Variants in TOM1L2 observed in about 807,000 individuals in gnomAD.
TOM1L2 encodes TOM1-like protein 2.
A neutral mutation model predicts 67.9 loss-of-function variants in TOM1L2; 31 were observed. The ratio of observed to expected loss-of-function variants is 0.46; its 90% CI spans 0.34 to 0.62. The LOEUF is 0.62. Among genes scored for constraint, TOM1L2 ranks in the 20% least tolerant of loss-of-function variants. TOM1L2 has a pLI of 0.01. For missense variants in TOM1L2, 606 were observed against 663.5 expected, an observed-to-expected ratio of 0.91 and a Z score of 0.95; for synonymous variants, 256 against 254.0, an observed-to-expected ratio of 1.01 and a Z score of -0.07.
Position 17,971,918 on chromosome 17 carries a change from G to A in TOM1L2, c.52+344C>T, listed in dbSNP as rs1010893075. ...GAGGACACAGATGCCCTGCCTGCCC[G>A]TGGGATAGCACCGGCACCCGGCGAA... On this transcript the variant is annotated intron_variant, in intron 1 of 14. Coordinates refer to ENST00000379504, the MANE Select transcript of TOM1L2 (RefSeq NM_001082968.2). Among the ~76,000 whole-genome samples, 134 of 151,616 alleles carry A rather than the reference G, an allele frequency of 8.8e-4. 2 individuals carry two copies. Among genetic ancestry groups the A allele is most frequent in the Non-Finnish European group, 1.7e-3 (113 of 67,854 alleles).
At chr17:17,922,092 AAAG>A (rs1483544053) in intron 1 of TOM1L2, among the ~76,000 whole-genome samples, 2 of 152,152 alleles carry the variant, frequency 1.3e-5, no homozygotes, top group African/African-American at 4.8e-5. Context: ...ACTGGGATGG[AAAG>A]AAGTAAGATG....
chr17:17,957,375 ACT>A (rs1329304519), intron 1 of TOM1L2, among the ~76,000 whole-genome samples: 1 of 152,064 alleles, frequency 6.6e-6, no homozygotes, highest in Non-Finnish European at 1.5e-5. Context: ...ATACTGTATG[ACT>A]CCACTCATGA....
chr17:17,945,452 TG>T (rs2040905208), intron 1 of TOM1L2, among the ~76,000 whole-genome samples: 2 of 152,116 alleles, frequency 1.3e-5, no homozygotes, highest in Admixed American at 1.3e-4. Flanking sequence ...AAAACAAACA[TG>T]GATTTCAATG....
chr17:17,859,556 T>C (rs2143672183), intron 12 of TOM1L2: 1 of 152,372 alleles, frequency 6.6e-6, no homozygotes, highest in Admixed American at 6.5e-5. Flanking sequence ...GCTGTGGCCA[T>C]GGCATTGCCC....
At chr17:17,869,681 A>G in intron 7 of TOM1L2, 1 of 1,376,888 alleles carries the variant, frequency 7.3e-7, no homozygotes, top group Non-Finnish European at 9.4e-7. Context: ...CTTTTTCAGC[A>G]GACAAATGTC....
intron 2 of TOM1L2, among the ~76,000 whole-genome samples, chr17:17,900,031 G>T (rs1466121753): frequency 6.6e-6 from 1 of 152,156 alleles, no homozygotes; most frequent in Non-Finnish European, 1.5e-5. Flanking sequence ...GGCCAACATG[G>T]TGAAACCCCG....
At chr17:17,965,584 G>A (rs375618380) in intron 1 of TOM1L2, among the ~76,000 whole-genome samples, 5 of 152,132 alleles carry the variant, frequency 3.3e-5, no homozygotes, top group East Asian at 1.9e-4. Flanking sequence ...GCAGCACAGC[G>A]TGACAGGATA....
chr17:17,878,556 G>A (rs907521894), intron 7 of TOM1L2, among the ~76,000 whole-genome samples: 2 of 152,224 alleles, frequency 1.3e-5, no homozygotes, highest in African/African-American at 4.8e-5. Context: ...AGCAACTTGG[G>A]ACCAGGACAG....
In TOM1L2 at chr17:17,877,485, A is replaced by G. The variant is rs186476744; in HGVS notation, c.777+2142T>C. 1.9e-3 allele frequency among the ~76,000 whole-genome samples: 283 copies of G among 152,224 alleles called. 4 individuals carry two copies. The highest frequency in any genetic ancestry group is 3.4e-3 in the Middle Eastern group (1 of 294). The stretch of plus-strand genomic sequence containing the variant: ...CAGCACTTTCTAAGCAGACAGTGGT[A>G]TTTCTCCACATGGAAGGTTGGCTGT... On this transcript the variant is annotated intron_variant, in intron 7 of 14. Transcript: ENST00000379504.
intron 4 of TOM1L2, among the ~76,000 whole-genome samples, chr17:17,885,034 G>A (rs921844241): frequency 1.4e-4 from 21 of 152,236 alleles, no homozygotes; most frequent in African/African-American, 4.8e-4. Context: ...AAGAGACAGA[G>A]AAATAACACC....
chr17:17,869,184 C>A, intron 8 of TOM1L2, 156 bp downstream of exon 8: 1 of 1,402,090 alleles, frequency 7.1e-7, no homozygotes, highest in Non-Finnish European at 9.5e-7. Context: ...AGCATTTTTC[C>A]TGTCAGCCGG....
intron 4 of TOM1L2, among the ~76,000 whole-genome samples, chr17:17,890,205 G>T (rs1194217880): frequency 6.6e-6 from 1 of 152,178 alleles, no homozygotes; most frequent in East Asian, 1.9e-4. Flanking sequence ...CTCTAATGAA[G>T]AAGATTGAAA....
At chr17:17,894,934 A>AACAT (rs200969782) in intron 3 of TOM1L2, among the ~76,000 whole-genome samples, 10,341 of 143,676 alleles carry the variant, frequency 0.072, 551 homozygotes, top group African/African-American at 0.14. Context: ...CTGTCTCAAA[A>AACAT]ACATACATAC....
intron 1 of TOM1L2, among the ~76,000 whole-genome samples, chr17:17,911,278 T>C (rs1040968302): frequency 1.3e-5 from 2 of 152,252 alleles, no homozygotes; most frequent in East Asian, 1.9e-4. Context: ...GAGCCGTATC[T>C]GATTACCCGA....
At chr17:17,887,225 C>G (rs2038044625) in intron 4 of TOM1L2, among the ~76,000 whole-genome samples, 1 of 152,228 alleles carries the variant, frequency 6.6e-6, no homozygotes, top group South Asian at 2.1e-4. Context: ...TCCTACCTGC[C>G]ACAATTCCAA....
At chr17:17,913,672 A>C (rs1187372914) in intron 1 of TOM1L2, among the ~76,000 whole-genome samples, 1 of 152,198 alleles carries the variant, frequency 6.6e-6, no homozygotes, top group African/African-American at 2.4e-5. Flanking sequence ...AAATGGGTAT[A>C]TATCTTTTAG....
chr17:17,911,645 CTTTT>C (rs141171530), intron 1 of TOM1L2, among the ~76,000 whole-genome samples: 1 of 145,090 alleles, frequency 6.9e-6, no homozygotes, highest in Non-Finnish European at 1.5e-5. Flanking sequence ...GCTGGAAATT[CTTTT>C]TTTTTTTTAA....
rs181026118 is a variant in TOM1L2 at position 17,844,565 on chromosome 17, A to C, written c.*3070T>G. On this transcript the variant is annotated 3_prime_UTR_variant, in exon 15 of 15. Coordinates refer to ENST00000379504, the MANE Select transcript of TOM1L2 (RefSeq NM_001082968.2). ...CCAGCAACAACCCCTTGAGGCTCCA[A>C]AGCTCCTTGTCCCATGCACGCTGGT... The C allele has an allele frequency of 6.6e-6, 1 of 152,444 alleles. No homozygotes were observed. Among genetic ancestry groups the C allele is most frequent in the Admixed American group, 6.5e-5 (1 of 15,308 alleles). 9.4% of individuals were successfully genotyped at this position (152,444 alleles called of 1,614,324 possible).
intron 1 of TOM1L2, among the ~76,000 whole-genome samples, chr17:17,963,124 G>A (rs1347510584): frequency 3.9e-5 from 6 of 152,044 alleles, no homozygotes; most frequent in African/African-American, 1.4e-4. Context: ...AAGATGTGAT[G>A]GTGCAAGTGT....
Sources: gnomAD v4.1 joint callset for allele counts (sites outside exome capture counted in the v4.1 genomes callset) on GRCh38, gnomAD v4.1.1 for gene constraint, MANE v1.5 for transcripts, NCBI Gene and HGNC (gene_info 2026-07-23, HGNC 2026-07-21) for gene names.